Variants in TENM2 observed in about 807,000 individuals in gnomAD.
The protein encoded by TENM2 is teneurin transmembrane protein 2.
Under a neutral mutation model 245.2 loss-of-function variants are expected in TENM2, and 52 were observed. The observed-to-expected ratio is 0.21, with a 90% confidence interval of 0.17 to 0.27. The LOEUF is 0.27. TENM2 is among the 10% of genes least tolerant of loss of function. TENM2 has a pLI of 1.00. For missense variants in TENM2, 3,046 were observed against 3,666.8 expected (o/e 0.83, Z 4.37); for synonymous variants, 1,363 against 1,438.9 (o/e 0.95, Z 1.19).
At chr5:167,545,269 C>G (rs1190094896) in intron 2 of TENM2, among the ~76,000 whole-genome samples, 2 of 152,216 alleles carry the variant, frequency 1.3e-5, no homozygotes, top group African/African-American at 4.8e-5. Flanking sequence ...CTACCAACCA[C>G]AACCTCCATA....
the TENM2 span, among the ~76,000 whole-genome samples, chr5:167,227,288 GT>G: frequency 1.3e-5 from 2 of 151,926 alleles, no homozygotes; most frequent in East Asian, 3.9e-4. Flanking sequence ...TAGTAGTTTG[GT>G]GGATTTTTGT....
Position 168,098,137 on chromosome 5 carries a change from G to A in TENM2, c.1813+10G>A, listed in dbSNP as rs147965733. 3.2e-5 allele frequency: 51 copies of A among 1,597,372 alleles called. No individual in the cohort carries two copies. The highest frequency in any genetic ancestry group is 2.9e-4 in the African/African-American group (22 of 74,612). On this transcript the variant is annotated intron_variant, in intron 9 of 28. Coordinates refer to ENST00000518659, the Ensembl canonical transcript of TENM2. Reference sequence around the variant, plus strand: ...GCAGACTGTGCTAAAGGTATGTGCCGCCACTTCCCTGCTATGGTTGGAAAA... The same window carrying A: ...GCAGACTGTGCTAAAGGTATGTGCCACCACTTCCCTGCTATGGTTGGAAAA...
upstream of TENM2, among the ~76,000 whole-genome samples, chr5:167,282,431 A>G (rs2127704900): frequency 6.6e-6 from 1 of 152,330 alleles, no homozygotes; most frequent in Non-Finnish European, 1.5e-5. Context: ...GTAACTCCTT[A>G]GCTAAGAAAA....
rs139078440 is a variant in TENM2, at chr5:167,742,977, AAACAACAACAACAACAACAAC to A, written c.503-132985_503-132965del. ...GTGACAGAGTGAGACCTTGTCTTAA[AAACAACAACAACAACAACAAC>A]AACAACAACAACAACAACAACAAAC... On this transcript the variant is annotated intron_variant, in intron 2 of 28. Transcript: ENST00000518659. 5.1e-4 allele frequency among the ~76,000 whole-genome samples: 75 copies of A among 147,842 alleles called. 1 individual carries two copies. Among genetic ancestry groups the A allele is most frequent in the African/African-American group, 1.7e-3 (70 of 40,052 alleles).
At chr5:168,174,364 T>C (rs930328275) in intron 13 of TENM2, among the ~76,000 whole-genome samples, 6 of 152,112 alleles carry the variant, frequency 3.9e-5, no homozygotes, top group Admixed American at 1.3e-4. Flanking sequence ...AGCTTTGTCC[T>C]CTGTAAAGTG....
chr5:167,002,673 A>G, the TENM2 span, among the ~76,000 whole-genome samples: 1 of 151,988 alleles, frequency 6.6e-6, no homozygotes, highest in Admixed American at 6.6e-5. Context: ...AAACAAAAAA[A>G]AAACAGCCCC....
At chr5:167,733,965 C>T (rs1213373381) in intron 2 of TENM2, among the ~76,000 whole-genome samples, 2 of 152,208 alleles carry the variant, frequency 1.3e-5, no homozygotes, top group Non-Finnish European at 2.9e-5. Flanking sequence ...AAGGTCACGT[C>T]TCATACGTAC....
intron 4 of TENM2, among the ~76,000 whole-genome samples, chr5:167,969,703 G>A (rs1781629317): frequency 1.3e-5 from 2 of 152,162 alleles, no homozygotes; most frequent in African/African-American, 4.8e-5. Context: ...CCTCTTGTGG[G>A]ATTTTTATGG....
At chr5:167,396,153 G>A (rs1415612929) in intron 2 of TENM2, among the ~76,000 whole-genome samples, 1 of 152,084 alleles carries the variant, frequency 6.6e-6, no homozygotes, top group Admixed American at 6.6e-5. Context: ...AGGGATAGAT[G>A]CACCCCCAAA....
chr5:167,388,745 T>G (rs1156644557), intron 2 of TENM2, among the ~76,000 whole-genome samples: 1 of 152,130 alleles, frequency 6.6e-6, no homozygotes, highest in Non-Finnish European at 1.5e-5. Flanking sequence ...CCATCGCGAT[T>G]TCATTTTTGA....
intron 2 of TENM2, among the ~76,000 whole-genome samples, chr5:167,465,254 C>T (rs886231177): frequency 2.0e-5 from 3 of 152,210 alleles, no homozygotes; most frequent in African/African-American, 7.2e-5. Context: ...GCTTTTTTCC[C>T]ATGTAACGGA....
intron 2 of TENM2, among the ~76,000 whole-genome samples, chr5:167,731,200 G>GTTTTTTTTT (rs11398245): frequency 7.0e-6 from 1 of 142,600 alleles, no homozygotes; most frequent in African/African-American, 2.6e-5. Flanking sequence ...CCTCCAGACA[G>GTTTTTTTTT]TTTTTTTTTT....
intron 2 of TENM2, among the ~76,000 whole-genome samples, chr5:167,437,355 C>A (rs1221580604): frequency 6.6e-6 from 1 of 152,188 alleles, no homozygotes; most frequent in Non-Finnish European, 1.5e-5. Flanking sequence ...CAATGTCTTC[C>A]ATTTGGAATG....
At chr5:167,985,895 T>G (rs1783207479) in intron 4 of TENM2, among the ~76,000 whole-genome samples, 1 of 152,236 alleles carries the variant, frequency 6.6e-6, no homozygotes, top group African/African-American at 2.4e-5. Context: ...AGAAATCTTT[T>G]GTTGGAGCCT....
intron 2 of TENM2, among the ~76,000 whole-genome samples, chr5:167,749,032 C>T (rs1166026857): frequency 7.2e-5 from 11 of 152,082 alleles, no homozygotes. Context: ...CAGGTGTAAG[C>T]CACCATGTCC....
chr5:167,852,369 G>A (rs1770662649), intron 2 of TENM2, among the ~76,000 whole-genome samples: 1 of 152,196 alleles, frequency 6.6e-6, no homozygotes, highest in Non-Finnish European at 1.5e-5. Context: ...ATCGTTTTCA[G>A]TGGTGTTTTT....
exon 2 of TENM2, chr5:167,375,434 A>G: frequency 6.4e-7 from 1 of 1,551,726 alleles, no homozygotes; most frequent in Non-Finnish European, 8.7e-7. Flanking sequence ...CCTTACCCTG[A>G]CTGACTCTGA....
chr5:167,258,999 A>T, the TENM2 span, among the ~76,000 whole-genome samples: 6 of 152,208 alleles, frequency 3.9e-5, no homozygotes, highest in Non-Finnish European at 1.5e-5. Context: ...CATCAGAATC[A>T]TCTGCAGACT....
intron 13 of TENM2, among the ~76,000 whole-genome samples, chr5:168,164,482 G>A (rs1581504334): frequency 1.3e-5 from 2 of 152,182 alleles, no homozygotes; most frequent in South Asian, 4.2e-4. Flanking sequence ...GCCTAGGGCT[G>A]CTTGCACTCT....
Sources: allele counts gnomAD v4.1 joint callset (sites outside exome capture counted in the v4.1 genomes callset), GRCh38; gene constraint gnomAD v4.1.1; transcripts MANE v1.5; gene names NCBI Gene and HGNC (gene_info 2026-07-23, HGNC 2026-07-21).